RAPGEF4: variants seen among roughly 807,000 people sequenced by gnomAD.
RAPGEF4 encodes RAP guanine-nucleotide-exchange factor (GEF) 4.
A neutral mutation model predicts 147.9 loss-of-function variants in RAPGEF4; 66 were observed. That is an observed-to-expected ratio of 0.45 (90% CI 0.37 to 0.55). RAPGEF4 has a LOEUF of 0.55. RAPGEF4 is among the 20% of genes least tolerant of loss of function. The pLI is 0.00. For synonymous variants in RAPGEF4, 419 were observed against 442.7 expected (o/e 0.95, Z 0.67); for missense variants, 1,071 against 1,257.3 (o/e 0.85, Z 2.24).
intron 17 of RAPGEF4, among the ~76,000 whole-genome samples, chr2:173,007,483 G>C (rs954012441): frequency 6.6e-6 from 1 of 152,128 alleles, no homozygotes; most frequent in Non-Finnish European, 1.5e-5. Flanking sequence ...TTCCACAACA[G>C]TCCATTGAAA....
intron 3 of RAPGEF4, among the ~76,000 whole-genome samples, chr2:172,812,922 C>G (rs1346953739): frequency 1.3e-5 from 2 of 152,220 alleles, no homozygotes; most frequent in African/African-American, 4.8e-5. Context: ...AGACCTAACT[C>G]ATTGACTATT....
At chr2:172,920,422 T>G (rs1268703670) in intron 5 of RAPGEF4, among the ~76,000 whole-genome samples, 1 of 152,208 alleles carries the variant, frequency 6.6e-6, no homozygotes, top group South Asian at 2.1e-4. Flanking sequence ...ATGTCTTTAT[T>G]GCTGATTGCT....
At chr2:172,856,447 A>ATGGGT (rs1277299094) in intron 4 of RAPGEF4, among the ~76,000 whole-genome samples, 2 of 151,986 alleles carry the variant, frequency 1.3e-5, no homozygotes, top group Non-Finnish European at 2.9e-5. Context: ...TCTTTTGAGG[A>ATGGGT]TGGGTTATTT....
intron 1 of RAPGEF4, among the ~76,000 whole-genome samples, chr2:172,741,928 C>T (rs1391015989): frequency 6.6e-6 from 1 of 152,186 alleles, no homozygotes; most frequent in Non-Finnish European, 1.5e-5. Flanking sequence ...CCACCTTGGC[C>T]TCCCAAAGTG....
chr2:172,970,182 C>CTTTTTT (rs71018527), intron 10 of RAPGEF4, among the ~76,000 whole-genome samples: 1 of 140,062 alleles, frequency 7.1e-6, no homozygotes. Context: ...CACACACACC[C>CTTTTTT]TTTTTTTTTT....
intron 3 of RAPGEF4, among the ~76,000 whole-genome samples, chr2:172,811,755 T>A (rs539309662): frequency 2.0e-4 from 30 of 152,318 alleles, no homozygotes; most frequent in African/African-American, 6.5e-4. Context: ...CATCCACTCA[T>A]ATTCATCCTG....
chr2:172,976,173 T>C (rs1333538329), intron 10 of RAPGEF4, among the ~76,000 whole-genome samples: 1 of 152,212 alleles, frequency 6.6e-6, no homozygotes, highest in Non-Finnish European at 1.5e-5. Flanking sequence ...GAAAGGGAAC[T>C]TAAAACGTCC....
At chr2:172,864,061 C>A (rs1252274710) in intron 4 of RAPGEF4, among the ~76,000 whole-genome samples, 1 of 152,184 alleles carries the variant, frequency 6.6e-6, no homozygotes, top group African/African-American at 2.4e-5. Flanking sequence ...AAATTTGTGT[C>A]TGCCTTCACT....
At chr2:172,753,027 C>G (rs1695435439) in intron 1 of RAPGEF4, among the ~76,000 whole-genome samples, 1 of 151,784 alleles carries the variant, frequency 6.6e-6, no homozygotes, top group African/African-American at 2.4e-5. Context: ...TTTAAAGAGC[C>G]CTTGGTGTTC....
intron 9 of RAPGEF4, among the ~76,000 whole-genome samples, chr2:172,966,160 G>A (rs1689818776): frequency 6.6e-6 from 1 of 152,184 alleles, no homozygotes; most frequent in African/African-American, 2.4e-5. Context: ...TTAAAATCAA[G>A]AATGTGCTCT....
Position 172,897,573 on chromosome 2 carries a change from AT to A in RAPGEF4, c.445-20220del, listed in dbSNP as rs536415396. Among the ~76,000 whole-genome samples, 137 of 150,068 alleles carry A rather than the reference AT, an allele frequency of 9.1e-4. No homozygotes were observed. The South Asian group carries it at 0.017, about 18-fold the overall frequency. On this transcript the variant is annotated intron_variant, in intron 4 of 30. Transcript: ENST00000397081. ...GCCACCATACCTGACTAATTTTTTA[AT>A]TTTTTTTTGTAGAGACAGAGTCTTG... is the stretch of plus-strand genomic sequence containing the variant.
chr2:172,936,019 A>T (rs1321662948), intron 6 of RAPGEF4, among the ~76,000 whole-genome samples: 1 of 152,194 alleles, frequency 6.6e-6, no homozygotes, highest in Non-Finnish European at 1.5e-5. Flanking sequence ...GTGGATTTTA[A>T]AAAATAATGG....
chr2:172,801,223 C>T (rs908521659), intron 3 of RAPGEF4, among the ~76,000 whole-genome samples: 3 of 152,050 alleles, frequency 2.0e-5, no homozygotes, highest in South Asian at 2.1e-4. Context: ...TTCTGCTGGG[C>T]GCACTCATGA....
chr2:172,967,124 C>G (rs1689924049), intron 9 of RAPGEF4, 137 bp from the exon 10 acceptor site: 4 of 785,478 alleles, frequency 5.1e-6, no homozygotes, highest in Non-Finnish European at 8.1e-6. Context: ...CTGGGCAGGG[C>G]AGAGTGAGAA....
chr2:172,738,403 C>T (rs1401662600), intron 1 of RAPGEF4, among the ~76,000 whole-genome samples: 1 of 152,038 alleles, frequency 6.6e-6, no homozygotes, highest in East Asian at 1.9e-4. Flanking sequence ...AACCACAATG[C>T]AATAGTAAGT....
At chr2:172,939,883 G>A (rs749885521) in intron 6 of RAPGEF4, among the ~76,000 whole-genome samples, 1 of 152,076 alleles carries the variant, frequency 6.6e-6, no homozygotes, top group African/African-American at 2.4e-5. Flanking sequence ...TGAAAAGACT[G>A]TCTTCTCTCC....
Position 173,042,947 on chromosome 2 carries a change from A to G in RAPGEF4, c.2854-5653A>G, listed in dbSNP as rs1684949276. Among the ~76,000 whole-genome samples the G allele has an allele frequency of 6.6e-6, 1 of 152,248 alleles. No individual in the cohort carries two copies. Among genetic ancestry groups the G allele is most frequent in the African/African-American group, 2.4e-5 (1 of 41,464 alleles). On this transcript the variant is annotated intron_variant, in intron 29 of 30. Coordinates refer to ENST00000397081, the MANE Select transcript of RAPGEF4 (RefSeq NM_007023.4). The surrounding 1 kb of genome is among the most constrained non-coding windows in gnomAD (Gnocchi z 4.2). ...CACCTCTTGGATACTAAAGATCTGT[A>G]GGGAGACCGGACTCAGGGCTCCTCC...
intron 2 of RAPGEF4, among the ~76,000 whole-genome samples, chr2:172,795,881 C>G (rs1229960128): frequency 6.6e-6 from 1 of 152,186 alleles, no homozygotes; most frequent in Non-Finnish European, 1.5e-5. Context: ...TGGGCTTTGT[C>G]CTCAGACTTG....
intron 23 of RAPGEF4, among the ~76,000 whole-genome samples, chr2:173,024,982 T>C (rs1696523086): frequency 6.6e-6 from 1 of 152,246 alleles, no homozygotes; most frequent in East Asian, 1.9e-4. Context: ...TATTCTCACC[T>C]GCCCAAGCTT....
Sources: allele counts gnomAD v4.1 joint callset (sites outside exome capture counted in the v4.1 genomes callset), GRCh38; gene constraint gnomAD v4.1.1; non-coding constraint Gnocchi (gnomAD v3.1); transcripts MANE v1.5; gene names NCBI Gene and HGNC (gene_info 2026-07-23, HGNC 2026-07-21).